The following SRGAP3 variants were observed in gnomAD, a reference collection of about 807,000 sequenced individuals.
The protein encoded by SRGAP3 is SLIT-ROBO Rho GTPase-activating protein 3.
A neutral mutation model predicts 121.1 loss-of-function variants in SRGAP3; 39 were observed. The ratio of observed to expected loss-of-function variants is 0.32; its 90% confidence interval spans 0.25 to 0.42. The LOEUF is 0.42. Ranked by LOEUF, SRGAP3 falls within the 10% of genes least tolerant of loss-of-function variation. The pLI is 1.00. For missense variants in SRGAP3, 1,213 were observed against 1,470.6 expected, an observed-to-expected ratio of 0.82 and a Z score of 2.86; for synonymous variants, 601 against 570.0, an observed-to-expected ratio of 1.05 and a Z score of -0.77.
At chr3:9,168,580 T>C (rs966370616) in intron 1 of SRGAP3, among the ~76,000 whole-genome samples, 3 of 152,254 alleles carry the variant, frequency 2.0e-5, no homozygotes, top group East Asian at 1.9e-4. Flanking sequence ...AGCCCAAAGG[T>C]GGCAGAATGA....
intron 4 of SRGAP3, among the ~76,000 whole-genome samples, chr3:9,078,272 T>A (rs1446110089): frequency 1.3e-5 from 2 of 151,110 alleles, no homozygotes; most frequent in Non-Finnish European, 3.0e-5. Flanking sequence ...AATGGGGGGG[T>A]CCCAGGACAT....
At chr3:9,281,441 G>A (rs113031591) in intron 3 of SRGAP3, among the ~76,000 whole-genome samples, 1 of 152,234 alleles carries the variant, frequency 6.6e-6, no homozygotes, top group African/African-American at 2.4e-5. Flanking sequence ...TACTGGCTAT[G>A]GAGAAGAACA....
chr3:9,135,871 G>A (rs928312138), intron 1 of SRGAP3, among the ~76,000 whole-genome samples: 1 of 152,178 alleles, frequency 6.6e-6, no homozygotes, highest in Non-Finnish European at 1.5e-5. Flanking sequence ...CCTGGTCTCT[G>A]TTTTCTCATC....
intron 1 of SRGAP3, among the ~76,000 whole-genome samples, chr3:9,127,363 C>G (rs1287166935): frequency 6.6e-6 from 1 of 152,164 alleles, no homozygotes; most frequent in Non-Finnish European, 1.5e-5. Context: ...GGTCCACAGA[C>G]CAGCAGCATC....
intron 3 of SRGAP3, among the ~76,000 whole-genome samples, chr3:9,281,468 T>G (rs1185868645): frequency 6.6e-6 from 1 of 152,198 alleles, no homozygotes; most frequent in Non-Finnish European, 1.5e-5. Context: ...GGATCCCCTC[T>G]TGGTTGTTAG....
At chr3:9,222,253 T>C (rs543547242) in intron 1 of SRGAP3, among the ~76,000 whole-genome samples, 1 of 152,330 alleles carries the variant, frequency 6.6e-6, no homozygotes, top group Admixed American at 6.5e-5. Flanking sequence ...GTCATGTAGT[T>C]GAAGTACCAG....
chr3:9,350,476 A>T (rs183811054), intron 1 of SRGAP3, among the ~76,000 whole-genome samples: 1 of 152,332 alleles, frequency 6.6e-6, no homozygotes, highest in Non-Finnish European at 1.5e-5. Context: ...GAGATGCTGG[A>T]TGAAATGGAT....
At chr3:8,997,190 C>T (rs1358221570) in intron 18 of SRGAP3, among the ~76,000 whole-genome samples, 1 of 152,182 alleles carries the variant, frequency 6.6e-6, no homozygotes, top group Non-Finnish European at 1.5e-5. Flanking sequence ...CCTCATCACT[C>T]TCCCACACTC....
chr3:9,030,033 C>G (rs898184238), intron 12 of SRGAP3, among the ~76,000 whole-genome samples: 5 of 152,008 alleles, frequency 3.3e-5, no homozygotes, highest in African/African-American at 1.2e-4. Context: ...ATGCGTATAG[C>G]CCCAGCTACT....
At chr3:9,312,646 G>A (rs1955267668) in intron 3 of SRGAP3, among the ~76,000 whole-genome samples, 1 of 152,174 alleles carries the variant, frequency 6.6e-6, no homozygotes, top group African/African-American at 2.4e-5. Flanking sequence ...ATGGGAGAGA[G>A]GTTATTTAAC....
rs1374637705 is a variant in SRGAP3 at position 8,982,962 on chromosome 3, A to G, written c.*2557T>C. 1 of 229,616 alleles carries G rather than the reference A, an allele frequency of 4.4e-6. No homozygotes were observed. The highest frequency in any genetic ancestry group is 2.2e-5 in the African/African-American group (1 of 45,086). The allele number at this position is 229,616 out of a possible 1,614,324, so 14.2% of individuals were successfully genotyped here. ...AATCAGTCAATTCAGAGAAAAATCC[A>G]CACGGTCTGATTGGTGTTATGTATA... On this transcript the variant is annotated 3_prime_UTR_variant, in exon 22 of 22. Transcript: ENST00000383836.
rs983936283 is a variant in SRGAP3 at position 8,984,112 on chromosome 3, G to T, written c.*1407C>A. On this transcript the variant is annotated 3_prime_UTR_variant, in exon 22 of 22. Coordinates refer to ENST00000383836, the MANE Select transcript of SRGAP3 (RefSeq NM_014850.4). ...TTGGCCAAGAGGCAAAGGCCTGGCT[G>T]TCACACGTGAAGATCATGCACCCAT... 12 of 231,878 alleles carry T rather than the reference G, an allele frequency of 5.2e-5. No individual in the cohort carries two copies. Among genetic ancestry groups the T allele is most frequent in the Non-Finnish European group, 6.8e-5 (8 of 117,250 alleles). 14.4% of individuals were successfully genotyped at this position (231,878 alleles called of 1,614,324 possible). A position where few individuals can be genotyped will look rare whatever the true frequency, so the allele number is the denominator to read the frequency against.
intron 9 of SRGAP3, among the ~76,000 whole-genome samples, chr3:9,049,939 C>T (rs74538042): frequency 0.089 from 13,384 of 150,194 alleles, 668 homozygotes; most frequent in Middle Eastern, 0.14. Flanking sequence ...CCTCAGCCTC[C>T]CAAGTAGCTG....
At chr3:9,176,852 C>T (rs1191587996) in intron 1 of SRGAP3, among the ~76,000 whole-genome samples, 1 of 152,336 alleles carries the variant, frequency 6.6e-6, no homozygotes, top group East Asian at 1.9e-4. Context: ...ACTCCTCCCA[C>T]CAGGCCCTAC....
At chr3:8,987,299 G>A (rs1454597972) in intron 21 of SRGAP3, among the ~76,000 whole-genome samples, 1 of 152,216 alleles carries the variant, frequency 6.6e-6, no homozygotes, top group Admixed American at 6.5e-5. Flanking sequence ...CCACAGCCCA[G>A]CTGGCTTGGC....
At chr3:9,258,932 G>A (rs542295931) in intron 3 of SRGAP3, among the ~76,000 whole-genome samples, 1 of 152,250 alleles carries the variant, frequency 6.6e-6, no homozygotes, top group East Asian at 1.9e-4. Context: ...ATTTCCCGTG[G>A]GCAGCCTGCG....
chr3:9,294,789 G>C (rs1216595887), intron 3 of SRGAP3, among the ~76,000 whole-genome samples: 1 of 149,284 alleles, frequency 6.7e-6, no homozygotes, highest in African/African-American at 2.5e-5. Context: ...CCCCCCACCT[G>C]TGACACAGAC....
chr3:9,080,171 G>T, intron 3 of SRGAP3, 84 bp from the exon 4 acceptor site: 3 of 1,424,520 alleles, frequency 2.1e-6, no homozygotes, highest in African/African-American at 1.4e-5. Context: ...GAAAGGTCAG[G>T]AATGTTTCGG....
At chr3:9,342,126 G>A (rs1020140832) in intron 1 of SRGAP3, among the ~76,000 whole-genome samples, 20 of 152,304 alleles carry the variant, frequency 1.3e-4, no homozygotes, top group African/African-American at 4.6e-4. Flanking sequence ...CGAGGCAGGC[G>A]AATCACCTGA....
Sources: gnomAD v4.1 joint callset for allele counts (sites outside exome capture counted in the v4.1 genomes callset) on GRCh38, gnomAD v4.1.1 for gene constraint, MANE v1.5 for transcripts, NCBI Gene and HGNC (gene_info 2026-07-23, HGNC 2026-07-21) for gene names.